Variants in DDB2 observed in about 807,000 individuals in gnomAD.
DDB2 encodes DNA damage-binding protein 2.
Under a neutral mutation model 50.5 loss-of-function variants are expected in DDB2, and 27 were observed. The ratio of observed to expected loss-of-function variants is 0.53; its 90% confidence interval spans 0.39 to 0.74. DDB2 has a LOEUF of 0.74. Among genes scored for constraint, DDB2 ranks in the 30% least tolerant of loss-of-function variants. DDB2 has a pLI of 0.00. For synonymous variants in DDB2, 176 were observed against 205.5 expected, an observed-to-expected ratio of 0.86 and a Z score of 1.23; for missense variants, 424 against 545.6, an observed-to-expected ratio of 0.78 and a Z score of 2.22.
chr11:47,228,654 A>AG lies in DDB2; in HGVS notation c.457-4160_457-4159insG, dbSNP rs1280087258. On this transcript the variant is annotated intron_variant, in intron 3 of 9. Coordinates refer to ENST00000256996, the MANE Select transcript of DDB2 (RefSeq NM_000107.3). ...TGGGACTCTGTCTCAAAAAAAAAAA[A>AG]AAAAAAGGAAGGAAAGATCAATATC... Among the ~76,000 whole-genome samples the AG allele has an allele frequency of 5.3e-5, 8 of 151,064 alleles. No homozygotes were observed. The East Asian group carries it at 1.2e-3, about 22-fold the overall frequency.
At chr11:47,234,289 C>G (rs977797104) in intron 4 of DDB2, among the ~76,000 whole-genome samples, 11 of 152,096 alleles carry the variant, frequency 7.2e-5, no homozygotes, top group Non-Finnish European at 1.3e-4. Context: ...TCAGGGCTTG[C>G]TTTATGGTAT....
chr11:47,235,236 G>C (rs202031616), intron 6 of DDB2, 34 bp from the exon 7 acceptor site: 1 of 1,614,206 alleles, frequency 6.2e-7, no homozygotes, highest in Non-Finnish European at 8.5e-7. Context: ...AGGGCTTGTG[G>C]TTCCTTCAGC....
chr11:47,214,999 T>G lies in DDB2; in HGVS notation c.-138T>G. ...GGTTTGAACAAGCCCTGGGCATGTT[T>G]GGCGGGAAGTTGGCTTAGCTCGGCT... On this transcript the variant is annotated 5_prime_UTR_variant, in exon 1 of 10. Coordinates refer to ENST00000256996, the MANE Select transcript of DDB2 (RefSeq NM_000107.3). The G allele has an allele frequency of 1.5e-6, 2 of 1,294,526 alleles. No individual in the cohort carries two copies. The highest frequency in any genetic ancestry group is 2.4e-5 in the South Asian group (2 of 83,800). The allele number at this position is 1,294,526 out of a possible 1,614,324, so 80.2% of individuals were successfully genotyped here. A position where few individuals can be genotyped will look rare whatever the true frequency, so the allele number is the denominator to read the frequency against.
intron 3 of DDB2, among the ~76,000 whole-genome samples, chr11:47,226,085 TC>T (rs1038985789): frequency 6.6e-5 from 10 of 152,164 alleles, no homozygotes; most frequent in African/African-American, 2.2e-4. Flanking sequence ...TGTGCAAATA[TC>T]CCTTTGAGAC....
At chr11:47,237,190 C>T (rs1953736871) in intron 7 of DDB2, among the ~76,000 whole-genome samples, 1 of 152,150 alleles carries the variant, frequency 6.6e-6, no homozygotes, top group African/African-American at 2.4e-5. Flanking sequence ...GAGGCTTTTT[C>T]TGCTTTGTTG....
chr11:47,215,397 C>T lies in DDB2; in HGVS notation c.127+134C>T, dbSNP rs1953386221. ...GGGTGCCTCCGGCTGTGCATTCTAC[C>T]TGCAGGTCCTTTGACACCAGAGTGT... On this transcript the variant is annotated intron_variant, in intron 1 of 9. Transcript: ENST00000256996. 4.5e-6 allele frequency: 6 copies of T among 1,326,012 alleles called. No individual in the cohort carries two copies. In the Admixed American group the frequency reaches 5.1e-5, roughly 11 times the overall value. 82.1% of individuals were successfully genotyped at this position (1,326,012 alleles called of 1,614,324 possible).
Position 47,235,368 on chromosome 11 carries a change from A to T in DDB2, c.979A>T (p.Ile327Phe), listed in dbSNP as rs776075728. ...CCAGTGGGACTGCCCCCTGGGCCTG[A>T]TCCCGCACCCTCACCGTCACTTCCA... The part of the protein sequence containing the change: ...ASQWDCPLGL[I>F]PHPHRHFQHL... Residue 327 changes from isoleucine (I) to phenylalanine (F), a missense_variant, in exon 7 of 10, where the codon ATC (isoleucine) becomes TTC (phenylalanine). Coordinates refer to ENST00000256996, the MANE Select transcript of DDB2 (RefSeq NM_000107.3). 8.1e-6 allele frequency: 13 copies of T among 1,613,758 alleles called. No homozygotes were observed. Among genetic ancestry groups the T allele is most frequent in the Non-Finnish European group, 1.1e-5 (13 of 1,180,024 alleles).
Position 47,238,263 on chromosome 11 carries a change from G to A in DDB2, c.1234+80G>A, listed in dbSNP as rs139040209. 3,671 of 1,312,794 alleles carry A rather than the reference G, an allele frequency of 2.8e-3. 14 individuals are homozygous for A. Among genetic ancestry groups the A allele is most frequent in the South Asian group, 3.4e-3 (272 of 79,690 alleles). 81.3% of individuals were successfully genotyped at this position (1,312,794 alleles called of 1,614,324 possible). ...TTCAGTGCGGGCCAGCCTCAGCCCC[G>A]CCCTGCCACATTCACCCCAGGGCAG... On this transcript the variant is annotated intron_variant, in intron 9 of 9. Coordinates refer to ENST00000256996, the MANE Select transcript of DDB2 (RefSeq NM_000107.3).
In DDB2 at chr11:47,234,523, T is replaced by C. The variant is rs779817938; in HGVS notation, c.603-50T>C. The C allele has an allele frequency of 4.0e-6, 6 of 1,492,378 alleles. No individual in the cohort carries two copies. The Admixed American group carries it at 6.7e-5, about 17-fold the overall frequency. 92.4% of individuals were successfully genotyped at this position (1,492,378 alleles called of 1,614,324 possible). A position where few individuals can be genotyped will look rare whatever the true frequency, so the allele number is the denominator to read the frequency against. The stretch of plus-strand genomic sequence containing the variant: ...CACCGGAGCGGCAACAGTGAGTAAA[T>C]AGGACTATCTCTGTCCCCAAGAATC... On this transcript the variant is annotated intron_variant, in intron 4 of 9. Coordinates refer to ENST00000256996, the MANE Select transcript of DDB2 (RefSeq NM_000107.3).
intron 1 of DDB2, chr11:47,216,088 C>A (rs1213537463): frequency 3.3e-6 from 2 of 605,134 alleles, no homozygotes; most frequent in Non-Finnish European, 6.0e-6. Context: ...GTCTCAGGAA[C>A]CCTGCACGAC....
At chr11:47,238,441 C>G (rs935847930) in intron 9 of DDB2, among the ~76,000 whole-genome samples, 2 of 152,070 alleles carry the variant, frequency 1.3e-5, no homozygotes, top group Non-Finnish European at 2.9e-5. Flanking sequence ...TCTGTCCCCC[C>G]GGGCTGGAGT....
At chr11:47,238,038 C>T in intron 8 of DDB2, 37 bp downstream of exon 8, 1 of 1,613,838 alleles carries the variant, frequency 6.2e-7, no homozygotes, top group Non-Finnish European at 8.5e-7. Flanking sequence ...TGGGAGGAAG[C>T]AGGGATTCAA....
Position 47,234,950 on chromosome 11 carries a change from C to G in DDB2, c.880+16C>G. ...GTCAACGCAGGTGTGATATCCCAGACCTCATCTCTCCTGCAGACCCTGCCT... is the reference window on the plus strand; with the variant it reads ...GTCAACGCAGGTGTGATATCCCAGAGCTCATCTCTCCTGCAGACCCTGCCT... On this transcript the variant is annotated intron_variant, in intron 6 of 9. Coordinates refer to ENST00000256996, the MANE Select transcript of DDB2 (RefSeq NM_000107.3). 6.2e-7 allele frequency: 1 copy of G among 1,613,716 alleles called. No individual in the cohort carries two copies. Among genetic ancestry groups the G allele is most frequent in the Non-Finnish European group, 8.5e-7 (1 of 1,179,706 alleles).
chr11:47,238,941 C>T lies in DDB2; in HGVS notation c.*92C>T, dbSNP rs1953794014. On this transcript the variant is annotated 3_prime_UTR_variant, in exon 10 of 10. Transcript: ENST00000256996. ...GCAGAGGTGGCGATTTGTTAAAGGG[C>T]CAAAAGTATCCAAGGTTAGGGTTGG... is the stretch of plus-strand genomic sequence containing the variant. 1 of 1,346,086 alleles carries T rather than the reference C, an allele frequency of 7.4e-7. No individual in the cohort carries two copies. Among genetic ancestry groups the T allele is most frequent in the Non-Finnish European group, 1.0e-6 (1 of 954,338 alleles). The allele number at this position is 1,346,086 out of a possible 1,614,324, so 83.4% of individuals were successfully genotyped here. A position where few individuals can be genotyped will look rare whatever the true frequency, so the allele number is the denominator to read the frequency against.
upstream of DDB2, chr11:47,214,602 AAG>A (rs377410821): frequency 0.045 from 7,184 of 159,796 alleles, 211 homozygotes; most frequent in Non-Finnish European, 0.066. Context: ...AAAAGAAAAA[AAG>A]AGAGAGAGAG....
At chr11:47,216,056 C>T (rs1953396171) in intron 1 of DDB2, 1 of 534,854 alleles carries the variant, frequency 1.9e-6, no homozygotes, top group South Asian at 1.9e-5. Context: ...GTACTTTATC[C>T]TTGTGTGTTT....
intron 3 of DDB2, among the ~76,000 whole-genome samples, chr11:47,221,467 CAG>C (rs1035262350): frequency 3.9e-5 from 6 of 152,028 alleles, no homozygotes; most frequent in Admixed American, 2.0e-4. Flanking sequence ...TTTTTTAAGA[CAG>C]AGTTTCACTC....
rs765357628 is a variant in DDB2 at position 47,217,028 on chromosome 11, C to G, written c.435C>G (p.Asp145Glu). ...TGCTCTGGAATTTTGGCATCAAGGA[C>G]AAACCCACCTTCATCAAAGGGGTGA... The part of the protein sequence containing the change: ...DIMLWNFGIK[D>E]KPTFIKGIGA... The change falls in exon 3 of 10, where the codon GAC becomes GAG. Residue 145 changes from aspartate to glutamate, a missense_variant. Coordinates refer to ENST00000256996, the MANE Select transcript of DDB2 (RefSeq NM_000107.3). The G allele has an allele frequency of 1.9e-6, 3 of 1,613,950 alleles. No homozygotes were observed. Among genetic ancestry groups the G allele is most frequent in the Non-Finnish European group, 2.5e-6 (3 of 1,179,964 alleles).
At chr11:47,232,997 C>T (rs1198572226) in intron 4 of DDB2, 38 bp downstream of exon 4, 1 of 1,612,080 alleles carries the variant, frequency 6.2e-7, no homozygotes, top group Non-Finnish European at 8.5e-7. Context: ...GGCTTCTAAG[C>T]TTAGGTGTAG....
Sources: gnomAD v4.1 joint callset for allele counts (sites outside exome capture counted in the v4.1 genomes callset) on GRCh38, gnomAD v4.1.1 for gene constraint, MANE v1.5 for transcripts, NCBI Gene and HGNC (gene_info 2026-07-23, HGNC 2026-07-21) for gene names.